Variants in LPO observed in about 807,000 individuals in gnomAD.
The protein encoded by LPO is lactoperoxidase.
LPO carries 70 observed loss-of-function variants against 68.4 expected under a neutral mutation model. The observed-to-expected ratio is 1.02, with a 90% CI of 0.84 to 1.25. LPO has a LOEUF of 1.25. Ranked by LOEUF, LPO falls within the 50% of genes most tolerant of loss-of-function variation. The pLI is 0.00. For missense variants in LPO, 873 were observed against 908.4 expected (o/e 0.96, Z 0.50); for synonymous variants, 360 against 357.6 (o/e 1.01, Z -0.08).
chr17:58,259,619 G>A (rs1349516806), intron 9 of LPO, among the ~76,000 whole-genome samples: 1 of 152,158 alleles, frequency 6.6e-6, no homozygotes, highest in African/African-American at 2.4e-5. Flanking sequence ...AAACCTTATG[G>A]AAATTTTGAT....
intron 7 of LPO, chr17:58,251,918 C>T (rs1462888087): frequency 1.4e-6 from 1 of 708,554 alleles, no homozygotes; most frequent in East Asian, 2.8e-5. Flanking sequence ...TCAATACTCC[C>T]TCCTCACCAG....
rs1266108202 is a variant in LPO at position 58,268,153 on chromosome 17, T to C, written c.*159T>C. 1 of 715,762 alleles carries C rather than the reference T, an allele frequency of 1.4e-6. No individual in the cohort carries two copies. Among genetic ancestry groups the C allele is most frequent in the Non-Finnish European group, 2.3e-6 (1 of 441,184 alleles). The allele number at this position is 715,762 out of a possible 1,614,324, so 44.3% of individuals were successfully genotyped here. A position where few individuals can be genotyped will look rare whatever the true frequency, so the allele number is the denominator to read the frequency against. On this transcript the variant is annotated 3_prime_UTR_variant, in exon 13 of 13. Transcript: ENST00000262290. The stretch of plus-strand genomic sequence containing the variant: ...TGAACAGCTTGCTCAGGCCCCAGGG[T>C]GGCTGCCTCGGCCCTCCCAGCTCTT...
chr17:58,252,474 A>G lies in LPO; in HGVS notation c.1073A>G (p.Asn358Ser), dbSNP rs1262682615. Reference sequence around the variant, plus strand: ...AAGCCAAGCCCCTGTGAGTTCATCAACACCACTGCCCGTGTGCCCTGCTTC... The same window carrying G: ...AAGCCAAGCCCCTGTGAGTTCATCAGCACCACTGCCCGTGTGCCCTGCTTC... ...SKKPSPCEFI[N>S]TTARVPCFLA... Residue 358 changes from asparagine (N) to serine (S), a missense_variant, in exon 8 of 13, where the codon AAC becomes AGC. Asn to Ser is a conservative substitution (Grantham distance 46, BLOSUM62 1). Transcript: ENST00000262290. 1.2e-6 allele frequency: 2 copies of G among 1,613,438 alleles called. No individual in the cohort carries two copies. The highest frequency in any genetic ancestry group is 2.7e-5 in the African/African-American group (2 of 74,904).
intron 11 of LPO, among the ~76,000 whole-genome samples, chr17:58,267,005 A>G (rs1970279774): frequency 6.6e-6 from 1 of 152,252 alleles, no homozygotes; most frequent in Admixed American, 6.5e-5. Context: ...AGACTGCCTG[A>G]GTTCAAATCC....
At position 58,241,136 on chromosome 17, in the gene LPO, T is replaced by C. The variant is rs201769939; in HGVS notation, c.-2-1842T>C. Among the ~76,000 whole-genome samples, 21 of 140,418 alleles carry C rather than the reference T, an allele frequency of 1.5e-4. No individual in the cohort carries two copies. In the East Asian group the frequency reaches 3.8e-3, roughly 25 times the overall value. The allele number at this position is 140,418 out of a possible 152,430, so 92.1% of individuals were successfully genotyped here. On this transcript the variant is annotated intron_variant, in intron 1 of 12. Transcript: ENST00000262290. The stretch of plus-strand genomic sequence containing the variant: ...TTCTTTTCTTTTTTCTTTTTTTTTT[T>C]TTTTTTTTTTTTGAGCCAGGCTGGA...
chr17:58,247,445 C>A, intron 3 of LPO, 33 bp from the exon 4 acceptor site: 2 of 1,591,170 alleles, frequency 1.3e-6, no homozygotes, highest in South Asian at 1.1e-5. Flanking sequence ...CCTACAGGGT[C>A]CAGGCCATGA....
At chr17:58,244,900 G>T (rs1360130554) in intron 3 of LPO, among the ~76,000 whole-genome samples, 2 of 152,208 alleles carry the variant, frequency 1.3e-5, no homozygotes, top group African/African-American at 2.4e-5. Flanking sequence ...CCTGTACAGG[G>T]GCAACGTGGG....
At chr17:58,254,128 G>GATAGATAT (rs1555605277) in intron 8 of LPO, among the ~76,000 whole-genome samples, 4,966 of 113,786 alleles carry the variant, frequency 0.044, 182 homozygotes, top group African/African-American at 0.097. Flanking sequence ...GATAGATGAT[G>GATAGATAT]ATAGATATAT....
At position 58,244,090 on chromosome 17, in the gene LPO, G is replaced by GAGAC. The variant is rs745495653; in HGVS notation, c.164+10_164+11insGACA. The GAGAC allele has an allele frequency of 1.9e-6, 2 of 1,061,356 alleles. No homozygotes were observed. Among genetic ancestry groups the GAGAC allele is most frequent in the Non-Finnish European group, 2.8e-6 (2 of 706,972 alleles). The allele number at this position is 1,061,356 out of a possible 1,614,324, so 65.7% of individuals were successfully genotyped here. Reference sequence around the variant, plus strand: ...CTGGACTCCCGAACCAGGTACGTGAGACACACACACACACACACACACACA... The same window carrying GAGAC: ...CTGGACTCCCGAACCAGGTACGTGAGAGACACACACACACACACACACACACACA... On this transcript the variant is annotated intron_variant, in intron 3 of 12. Transcript: ENST00000262290.
intron 9 of LPO, among the ~76,000 whole-genome samples, chr17:58,262,601 C>T (rs1567822867): frequency 6.6e-6 from 1 of 152,174 alleles, no homozygotes; most frequent in Non-Finnish European, 1.5e-5. Flanking sequence ...CCATGTTGGC[C>T]AGGCTAGTCT....
Position 58,242,986 on chromosome 17 carries a change from G to C in LPO, c.7G>C (p.Val3Leu). The change falls in exon 2 of 13, where the codon GTC becomes CTC. Residue 3 changes from valine (V) to leucine (L), a missense_variant. Transcript: ENST00000262290. MR[V>L]LLHLPALLAS... Reference sequence around the variant, plus strand: ...CCTGCATCTCGTTTCAGTGATGAGGGTCCTTCTCCATCTCCCAGCCCTCCT... The same window carrying C: ...CCTGCATCTCGTTTCAGTGATGAGGCTCCTTCTCCATCTCCCAGCCCTCCT... The C allele has an allele frequency of 6.2e-7, 1 of 1,613,972 alleles. No individual in the cohort carries two copies. Among genetic ancestry groups the C allele is most frequent in the East Asian group, 2.2e-5 (1 of 44,882 alleles).
In LPO at chr17:58,243,019, C is replaced by T. The variant is rs756847220; in HGVS notation, c.40C>T (p.Leu14Phe). The T allele has an allele frequency of 1.4e-5, 22 of 1,613,974 alleles. 1 individual carries two copies. In the South Asian group the frequency reaches 2.0e-4, roughly 14 times the overall value. Residue 14 changes from leucine to phenylalanine, a missense_variant, in exon 2 of 13, where the codon CTC becomes TTC. Leu to Phe is a conservative substitution (Grantham distance 22). Transcript: ENST00000262290. ...LLHLPALLAS[L>F]ILLQAAASTT... The stretch of plus-strand genomic sequence containing the variant: ...CCATCTCCCAGCCCTCCTGGCTTCC[C>T]TCATCTTGCTTCAGGCTGCAGCATC...
intron 2 of LPO, 86 bp downstream of exon 2, chr17:58,243,141 C>G: frequency 1.5e-6 from 2 of 1,332,654 alleles, no homozygotes; most frequent in Non-Finnish European, 2.1e-6. Context: ...AATGTATTCT[C>G]TCACAGTACG....
intron 9 of LPO, among the ~76,000 whole-genome samples, chr17:58,258,784 A>G (rs923334399): frequency 2.0e-5 from 3 of 152,194 alleles, no homozygotes; most frequent in Admixed American, 2.0e-4. Flanking sequence ...GTGTGTAGTA[A>G]TAGCTCATTG....
chr17:58,267,157 A>T (rs1287999062), intron 11 of LPO, among the ~76,000 whole-genome samples, 192 bp from the exon 12 acceptor site: 1 of 152,236 alleles, frequency 6.6e-6, no homozygotes, highest in Admixed American at 6.5e-5. Context: ...CTTAGTGGTT[A>T]CATAGGACTT....
intron 9 of LPO, among the ~76,000 whole-genome samples, chr17:58,259,148 C>T (rs1260873315): frequency 6.6e-6 from 1 of 152,036 alleles, no homozygotes; most frequent in African/African-American, 2.4e-5. Flanking sequence ...AGTCTCAGAA[C>T]TTTTTTCCTA....
intron 9 of LPO, among the ~76,000 whole-genome samples, chr17:58,256,021 A>G (rs1970063603): frequency 6.6e-6 from 1 of 151,992 alleles, no homozygotes; most frequent in Non-Finnish European, 1.5e-5. Context: ...TCACCCCTAT[A>G]TCCCTAACCC....
chr17:58,249,786 G>T, intron 6 of LPO, 91 bp downstream of exon 6: 2 of 1,445,352 alleles, frequency 1.4e-6, no homozygotes, highest in South Asian at 1.4e-5. Context: ...AGGAGGGATC[G>T]GTGGGGGCAG....
Position 58,252,380 on chromosome 17 carries a change from CT to C in LPO, c.980del (p.Leu327ArgfsTer71). 6.2e-7 allele frequency: 1 copy of C among 1,614,210 alleles called. No individual in the cohort carries two copies. The highest frequency in any genetic ancestry group is 8.5e-7 in the Non-Finnish European group (1 of 1,180,034). On this transcript the variant is annotated frameshift_variant, in exon 8 of 13. Coordinates refer to ENST00000262290, the MANE Select transcript of LPO (RefSeq NM_006151.3). LOFTEE classifies it high-confidence loss of function. ...CCGCCTCCGCAACCTCAGCAGCCCC[CT>C]GGGCCTCATGGCTGTCAACCAGGAG... The part of the protein sequence containing the change: ...ASRLRNLSSP[L>X]GLMAVNQEVS...
Sources: gnomAD v4.1 joint callset for allele counts (sites outside exome capture counted in the v4.1 genomes callset) on GRCh38, gnomAD v4.1.1 for gene constraint, MANE v1.5 for transcripts, NCBI Gene and HGNC (gene_info 2026-07-23, HGNC 2026-07-21) for gene names.